The following SPTB variants were observed in gnomAD, a reference collection of about 807,000 sequenced individuals.
SPTB encodes the protein spectrin beta, erythrocytic, also known as spectrin beta chain, erythrocytic.
In SPTB, 45 loss-of-function variants were observed where a neutral mutation model predicts 256.2. The ratio of observed to expected loss-of-function variants is 0.18; its 90% CI spans 0.14 to 0.23. SPTB has a LOEUF of 0.23. Ranked by LOEUF, SPTB falls within the 10% of genes least tolerant of loss-of-function variation. The probability of loss-of-function intolerance (pLI) is 1.00; values close to 1 mark genes in which losing one functional copy is unlikely to be tolerated. For synonymous variants in SPTB, 1,231 were observed against 1,243.1 expected, an observed-to-expected ratio of 0.99 and a Z score of 0.21; for missense variants, 2,715 against 3,040.4, an observed-to-expected ratio of 0.89 and a Z score of 2.52.
At chr14:64,830,803 A>G (rs1311155613) in intron 1 of SPTB, among the ~76,000 whole-genome samples, 1 of 151,070 alleles carries the variant, frequency 6.6e-6, no homozygotes, top group Non-Finnish European at 1.5e-5. Flanking sequence ...CTGAGCTCAC[A>G]CTCTCTTTTA....
chr14:64,857,288 A>G (rs896799787), intron 1 of SPTB, among the ~76,000 whole-genome samples: 3 of 152,142 alleles, frequency 2.0e-5, no homozygotes, highest in African/African-American at 7.2e-5. Flanking sequence ...CTAGGAGAGA[A>G]AAAACAATCC....
rs1011144251 is a variant in SPTB at position 64,778,585 on chromosome 14, C to A, written c.4563+572G>T. On this transcript the variant is annotated intron_variant, in intron 22 of 35. Coordinates refer to ENST00000644917, the MANE Select transcript of SPTB (RefSeq NM_001355436.2). This position sits in a 1 kb window ranked among gnomAD's most constrained non-coding sequence, Gnocchi z 5.2. Reference sequence around the variant, plus strand: ...ATCCTGACCAGGGCCACAGGAGTTCCCAATCAGGGCTAAGCGAGTGCCAAA... The same window carrying A: ...ATCCTGACCAGGGCCACAGGAGTTCACAATCAGGGCTAAGCGAGTGCCAAA... 1.3e-5 allele frequency among the ~76,000 whole-genome samples: 2 copies of A among 152,170 alleles called. No homozygotes were observed. The highest frequency in any genetic ancestry group is 2.9e-5 in the Non-Finnish European group (2 of 68,024).
chr14:64,760,925 C>T lies in SPTB; in HGVS notation c.6345+5801G>A, dbSNP rs2082084371. Among the ~76,000 whole-genome samples the T allele has an allele frequency of 6.6e-6, 1 of 152,210 alleles. No homozygotes were observed. Among genetic ancestry groups the T allele is most frequent in the Non-Finnish European group, 1.5e-5 (1 of 68,024 alleles). On this transcript the variant is annotated intron_variant, in intron 32 of 35. Coordinates refer to ENST00000644917, the MANE Select transcript of SPTB (RefSeq NM_001355436.2). The surrounding 1 kb of genome is among the most constrained non-coding windows in gnomAD (Gnocchi z 4.3). ...ACTAATTCTCCTGCAAGAGAGGAGA[C>T]CTGTATCCTCACTCCAGAGGAAAGC...
Position 64,790,609 on chromosome 14 carries a change from G to GC in SPTB, c.2804+1109dup, listed in dbSNP as rs199917151. ...TTCTGGTCATCGCTGCCTCCCCTTAGCCCCCCAGTGAACTCTCCACTGTGC... is the reference window on the plus strand; with the variant it reads ...TTCTGGTCATCGCTGCCTCCCCTTAGCCCCCCCAGTGAACTCTCCACTGTGC... On this transcript the variant is annotated intron_variant, in intron 15 of 35. Coordinates refer to ENST00000644917, the MANE Select transcript of SPTB (RefSeq NM_001355436.2). The surrounding 1 kb of genome is among the most constrained non-coding windows in gnomAD (Gnocchi z 4.8). Among the ~76,000 whole-genome samples, 1,399 of 152,222 alleles carry GC rather than the reference G, an allele frequency of 9.2e-3. 8 individuals carry two copies. The highest frequency in any genetic ancestry group is 0.031 in the Middle Eastern group (9 of 294).
In SPTB at chr14:64,775,564, C is replaced by T. The variant is rs1004208820; in HGVS notation, c.4564-161G>A. Among the ~76,000 whole-genome samples the T allele has an allele frequency of 6.6e-6, 1 of 152,270 alleles. No homozygotes were observed. The highest frequency in any genetic ancestry group is 1.5e-5 in the Non-Finnish European group (1 of 68,050). Reference sequence around the variant, plus strand: ...AGAACTACCAATGACCTCTTGCGGGCTGCTAAGCACCTCATGTGCACCATT... The same window carrying T: ...AGAACTACCAATGACCTCTTGCGGGTTGCTAAGCACCTCATGTGCACCATT... On this transcript the variant is annotated intron_variant, in intron 22 of 35. Transcript: ENST00000644917. This position sits in a 1 kb window ranked among gnomAD's most constrained non-coding sequence, Gnocchi z 5.0.
At chr14:64,876,305 C>T (rs770425395) in intron 1 of SPTB, among the ~76,000 whole-genome samples, 14 of 152,112 alleles carry the variant, frequency 9.2e-5, no homozygotes, top group Non-Finnish European at 1.5e-4. Flanking sequence ...CCACACCTGG[C>T]TAATTTTTGT....
chr14:64,772,624 C>G lies in SPTB; in HGVS notation c.5509G>C (p.Val1837Leu). ...AGCTCCCGCTCGAAGGCTGTGTGCA[C>G]CCGGTGGAAGGACTCGGCCGTGCTG... ...DASTAESFHR[V>L]HTAFERELHL... The change falls in exon 26 of 36, where the codon GTG becomes CTG. Residue 1837 changes from valine to leucine, a missense_variant. Physicochemically the swap from Val to Leu is conservative, Grantham distance 32. Coordinates refer to ENST00000644917, the MANE Select transcript of SPTB (RefSeq NM_001355436.2). The surrounding 1 kb of genome is among the most constrained non-coding windows in gnomAD (Gnocchi z 5.4). 3 of 1,612,460 alleles carry G rather than the reference C, an allele frequency of 1.9e-6. No individual in the cohort carries two copies. Among genetic ancestry groups the G allele is most frequent in the South Asian group, 1.1e-5 (1 of 91,074 alleles).
chr14:64,762,779 G>C (rs921611441), intron 32 of SPTB, among the ~76,000 whole-genome samples: 1 of 152,202 alleles, frequency 6.6e-6, no homozygotes, highest in African/African-American at 2.4e-5. Context: ...GATAACGAGG[G>C]GGCACCCAGC....
chr14:64,772,647 C>A lies in SPTB; in HGVS notation c.5486G>T (p.Ser1829Ile), dbSNP rs766226678. ...ELPEDVGLDASTAESFHRVHT... is the reference protein window; with the variant it reads ...ELPEDVGLDAITAESFHRVHT... ...CACCCGGTGGAAGGACTCGGCCGTG[C>A]TGGCGTCCAGCCCCACGTCCTCGGG... Residue 1829 changes from serine to isoleucine, a missense_variant, in exon 26 of 36, where the codon AGC becomes ATC. Ser to Ile is a moderately radical substitution (Grantham distance 142). Transcript: ENST00000644917. The surrounding 1 kb of genome is among the most constrained non-coding windows in gnomAD (Gnocchi z 5.4). The A allele has an allele frequency of 1.2e-6, 2 of 1,613,012 alleles. No homozygotes were observed. The highest frequency in any genetic ancestry group is 1.7e-5 in the Admixed American group (1 of 59,992).
rs539755967 is a variant in SPTB at position 64,801,552 on chromosome 14, GTGTGAGCCT to G, written c.648-161_648-153del. On this transcript the variant is annotated intron_variant, in intron 6 of 35. Transcript: ENST00000644917. ...GATGGGAGCAGAGGAGAGGGGGCAG[GTGTGAGCCT>G]TGGCATATGAGGGAAGTGGGCGGCA... The G allele has an allele frequency of 1.0e-3, 833 of 812,154 alleles. 7 individuals carry two copies. In the African/African-American group the frequency reaches 0.013, roughly 13 times the overall value. The allele number at this position is 812,154 out of a possible 1,614,324, so 50.3% of individuals were successfully genotyped here.
At chr14:64,752,577 C>A (rs1216329073) in intron 33 of SPTB, among the ~76,000 whole-genome samples, 1 of 152,196 alleles carries the variant, frequency 6.6e-6, no homozygotes, top group Non-Finnish European at 1.5e-5. Context: ...ATAGAAACAT[C>A]AATGTCACAG....
intron 1 of SPTB, among the ~76,000 whole-genome samples, chr14:64,855,554 G>C (rs1002668887): frequency 1.2e-5 from 1 of 85,106 alleles, no homozygotes; most frequent in African/African-American, 4.4e-5. Flanking sequence ...TGACCAGGCT[G>C]GTCTCGAACT....
Position 64,786,493 on chromosome 14 carries a change from C to T in SPTB, c.3472G>A (p.Glu1158Lys). Residue 1158 changes from glutamate to lysine, a missense_variant, in exon 16 of 36, where the codon GAG (glutamate) becomes AAG (lysine). Glu to Lys is a moderately conservative substitution (Grantham distance 56). Transcript: ENST00000644917. The surrounding 1 kb of genome is among the most constrained non-coding windows in gnomAD (Gnocchi z 5.6). ...TGAGCGAGGGTGTGGCTGCGGCTCTCCCACATCCTGCCCAGGGCATTCCAG... is the reference window on the plus strand; with the variant it reads ...TGAGCGAGGGTGTGGCTGCGGCTCTTCCACATCCTGCCCAGGGCATTCCAG... ...TGWNALGRMW[E>K]SRSHTLAQCL... The T allele has an allele frequency of 6.2e-7, 1 of 1,614,102 alleles. No homozygotes were observed.
In SPTB at chr14:64,747,423, C is replaced by T. The variant is rs2081864127; in HGVS notation, c.*1883G>A. 6.6e-6 allele frequency: 1 copy of T among 152,662 alleles called. No homozygotes were observed. Among genetic ancestry groups the T allele is most frequent in the African/African-American group, 2.4e-5 (1 of 41,464 alleles). 9.5% of individuals were successfully genotyped at this position (152,662 alleles called of 1,614,324 possible). On this transcript the variant is annotated 3_prime_UTR_variant, in exon 36 of 36. Transcript: ENST00000644917. ...TACAGAAAGAGGCTGGTGAGTGATA[C>T]ACACTAGGTTCCCTGTATAGGGTCA...
intron 18 of SPTB, among the ~76,000 whole-genome samples, chr14:64,784,854 T>C (rs1189014711): frequency 6.6e-6 from 1 of 152,162 alleles, no homozygotes; most frequent in South Asian, 2.1e-4. Flanking sequence ...AAAAGGAGTA[T>C]GACAAGAAAG....
chr14:64,794,706 A>G, intron 12 of SPTB, 89 bp from the exon 13 acceptor site: 1 of 1,551,980 alleles, frequency 6.4e-7, no homozygotes, highest in African/African-American at 1.4e-5. Context: ...GCATGTCTCT[A>G]GTAATCTGAG....
At position 64,777,037 on chromosome 14, in the gene SPTB, A is replaced by C. The variant is rs543553655; in HGVS notation, c.4564-1634T>G. On this transcript the variant is annotated intron_variant, in intron 22 of 35. Coordinates refer to ENST00000644917, the MANE Select transcript of SPTB (RefSeq NM_001355436.2). The surrounding 1 kb of genome is among the most constrained non-coding windows in gnomAD (Gnocchi z 4.5). ...GCTACGAGGAAAAGACAACAGTGGG[A>C]TGGAGAATGTCTGCTGCGATGTGGC... 6.6e-6 allele frequency among the ~76,000 whole-genome samples: 1 copy of C among 152,212 alleles called. No individual in the cohort carries two copies. Among genetic ancestry groups the C allele is most frequent in the African/African-American group, 2.4e-5 (1 of 41,464 alleles).
intron 1 of SPTB, among the ~76,000 whole-genome samples, chr14:64,854,179 G>A (rs1214420184): frequency 6.6e-6 from 1 of 150,880 alleles, no homozygotes; most frequent in Admixed American, 6.6e-5. Context: ...GCGACAGAGT[G>A]AGACTCCGCC....
intron 26 of SPTB, among the ~76,000 whole-genome samples, chr14:64,771,368 C>T (rs544822311): frequency 5.3e-5 from 8 of 152,304 alleles, no homozygotes; most frequent in Admixed American, 2.6e-4. Flanking sequence ...GGAAATCCTG[C>T]CCTTTGATCT....
Sources: gnomAD v4.1 joint callset for allele counts (sites outside exome capture counted in the v4.1 genomes callset) on GRCh38, gnomAD v4.1.1 for gene constraint, Gnocchi (gnomAD v3.1) non-coding constraint, MANE v1.5 for transcripts, NCBI Gene and HGNC (gene_info 2026-07-23, HGNC 2026-07-21) for gene names.